SGCD: variants seen among roughly 807,000 people sequenced by gnomAD.
The protein encoded by SGCD is sarcoglycan delta.
A neutral mutation model predicts 36.6 loss-of-function variants in SGCD; 18 were observed. That is an observed-to-expected ratio of 0.49 (90% CI 0.34 to 0.73). SGCD has a LOEUF of 0.73. SGCD is among the 30% of genes least tolerant of loss of function. The pLI is 0.01. For synonymous variants in SGCD, 133 were observed against 130.6 expected (o/e 1.02, Z -0.12); for missense variants, 387 against 346.7 (o/e 1.12, Z -0.92).
At chr5:156,727,113 T>C (rs1396201979) in intron 7 of SGCD, among the ~76,000 whole-genome samples, 1 of 152,056 alleles carries the variant, frequency 6.6e-6, no homozygotes, top group East Asian at 1.9e-4. Flanking sequence ...GGGAGAGAAA[T>C]TGGGCTCAAC....
intron 1 of SGCD, among the ~76,000 whole-genome samples, chr5:155,985,583 C>T (rs1276711046): frequency 1.3e-5 from 2 of 152,038 alleles, no homozygotes; most frequent in Non-Finnish European, 2.9e-5. Flanking sequence ...TACCATAAAC[C>T]CCAAGTGCCC....
intron 6 of SGCD, among the ~76,000 whole-genome samples, chr5:156,637,663 A>G (rs751797600): frequency 6.6e-6 from 1 of 152,134 alleles, no homozygotes; most frequent in Non-Finnish European, 1.5e-5. Flanking sequence ...TTTTGCTCCC[A>G]TAAATAATAC....
At chr5:156,021,187 T>A (rs533539846) in intron 1 of SGCD, among the ~76,000 whole-genome samples, 4 of 152,180 alleles carry the variant, frequency 2.6e-5, no homozygotes, top group South Asian at 2.1e-4. Context: ...ATTTCTTTGA[T>A]AGAGAAAAAA....
At chr5:156,357,116 G>A (rs976137731) in intron 3 of SGCD, among the ~76,000 whole-genome samples, 11 of 152,154 alleles carry the variant, frequency 7.2e-5, no homozygotes, top group African/African-American at 2.4e-4. Context: ...AGTACAATCT[G>A]TGCAACAGTA....
intron 4 of SGCD, among the ~76,000 whole-genome samples, chr5:156,558,376 A>C (rs1206736853): frequency 6.6e-6 from 1 of 152,030 alleles, no homozygotes; most frequent in East Asian, 1.9e-4. Context: ...TAGGTATCCA[A>C]CATTTTATGG....
At chr5:156,577,735 A>C (rs901106921) in intron 4 of SGCD, among the ~76,000 whole-genome samples, 2 of 152,188 alleles carry the variant, frequency 1.3e-5, no homozygotes, top group African/African-American at 4.8e-5. Context: ...ATTGGTGTAT[A>C]GGAATGCTTG....
At chr5:155,869,037 A>G (rs1470512826), upstream of SGCD, among the ~76,000 whole-genome samples, 1 of 152,340 alleles carries the variant, frequency 6.6e-6, no homozygotes, top group East Asian at 1.9e-4. Flanking sequence ...TCTTGTCATG[A>G]GGCTAAAAAC....
chr5:156,082,085 C>T (rs1171711943), intron 1 of SGCD, among the ~76,000 whole-genome samples: 3 of 152,110 alleles, frequency 2.0e-5, no homozygotes, highest in East Asian at 1.9e-4. Flanking sequence ...TAACAGATGT[C>T]AGCCTTAATT....
intron 3 of SGCD, among the ~76,000 whole-genome samples, chr5:156,288,900 C>T (rs897430777): frequency 6.6e-6 from 1 of 152,032 alleles, no homozygotes; most frequent in Non-Finnish European, 1.5e-5. Context: ...ATTTTTTTAT[C>T]CTGCAAAAAA....
intron 4 of SGCD, among the ~76,000 whole-genome samples, chr5:156,547,441 C>CTTTT (rs398065337): frequency 2.1e-5 from 3 of 145,186 alleles, no homozygotes; most frequent in African/African-American, 2.5e-5. Flanking sequence ...GATAATATGA[C>CTTTT]TTTTTTTTTT....
intron 6 of SGCD, among the ~76,000 whole-genome samples, chr5:156,599,111 G>C (rs1325889362): frequency 2.0e-5 from 3 of 152,196 alleles, no homozygotes; most frequent in African/African-American, 7.2e-5. Context: ...AGCCCAGTGG[G>C]TTGCAGAAAT....
At chr5:155,988,800 G>A (rs1436575813) in intron 1 of SGCD, among the ~76,000 whole-genome samples, 4 of 152,136 alleles carry the variant, frequency 2.6e-5, no homozygotes. Flanking sequence ...GACACCACGG[G>A]ATAAATGTGA....
intron 4 of SGCD, among the ~76,000 whole-genome samples, chr5:156,567,241 CAGTT>C (rs1317328988): frequency 6.6e-6 from 1 of 151,186 alleles, no homozygotes; most frequent in East Asian, 2.0e-4. Context: ...CTACCTTTCT[CAGTT>C]AGTATTCTCC....
intron 1 of SGCD, among the ~76,000 whole-genome samples, chr5:156,030,426 C>T (rs538762664): frequency 6.6e-6 from 1 of 152,140 alleles, no homozygotes; most frequent in Non-Finnish European, 1.5e-5. Flanking sequence ...ATGAGAGTGG[C>T]ATGTCTACAA....
intron 3 of SGCD, among the ~76,000 whole-genome samples, chr5:156,406,832 A>C (rs1430667496): frequency 7.1e-6 from 1 of 139,864 alleles, no homozygotes; most frequent in Non-Finnish European, 1.5e-5. Context: ...ACACACACAC[A>C]CACACACACA....
At chr5:156,435,663 G>A (rs931698878) in intron 3 of SGCD, among the ~76,000 whole-genome samples, 6 of 152,096 alleles carry the variant, frequency 3.9e-5, no homozygotes, top group African/African-American at 1.4e-4. Context: ...TGCAAGTTCT[G>A]TATCCTGTTA....
At chr5:156,405,173 A>T (rs1772341700) in intron 3 of SGCD, among the ~76,000 whole-genome samples, 1 of 152,190 alleles carries the variant, frequency 6.6e-6, no homozygotes, top group South Asian at 2.1e-4. Context: ...GGCACCAACT[A>T]ACAAGAGAGA....
chr5:156,021,013 C>T (rs1031609207), intron 1 of SGCD, among the ~76,000 whole-genome samples: 6 of 152,146 alleles, frequency 3.9e-5, no homozygotes, highest in Non-Finnish European at 4.4e-5. Flanking sequence ...CTTTCTTCAT[C>T]CACAAATTGT....
chr5:155,984,676 C>T (rs1581027143), intron 1 of SGCD, among the ~76,000 whole-genome samples: 1 of 152,134 alleles, frequency 6.6e-6, no homozygotes, highest in Admixed American at 6.6e-5. Context: ...GGTCTTTCTG[C>T]TCAAAAATCT....
Sources: allele counts gnomAD v4.1 joint callset (sites outside exome capture counted in the v4.1 genomes callset), GRCh38; gene constraint gnomAD v4.1.1; transcripts MANE v1.5; gene names NCBI Gene and HGNC (gene_info 2026-07-23, HGNC 2026-07-21).